The following ACSF3 variants were observed in gnomAD, a reference collection of about 807,000 sequenced individuals.
The protein encoded by ACSF3 is malonate--CoA ligase ACSF3, mitochondrial.
In ACSF3, 78 loss-of-function variants were observed where a neutral mutation model predicts 53.2. The ratio of observed to expected loss-of-function variants is 1.47; its 90% CI spans 1.22 to 1.77. The LOEUF is 1.77. ACSF3 is among the 40% of genes most tolerant of loss of function. The pLI, the probability that ACSF3 is intolerant of heterozygous loss-of-function variation, is 0.00. For missense variants in ACSF3, 937 were observed against 771.1 expected, an observed-to-expected ratio of 1.22 and a Z score of -2.55; for synonymous variants, 414 against 333.1, an observed-to-expected ratio of 1.24 and a Z score of -2.65.
chr16:89,100,962 G>A lies in ACSF3; in HGVS notation c.281G>A (p.Arg94Gln), dbSNP rs766597613. Residue 94 changes from arginine to glutamine, a missense_variant, in exon 3 of 11, where the codon CGG becomes CAG. Coordinates refer to ENST00000614302, the MANE Select transcript of ACSF3 (RefSeq NM_001243279.3). Reference sequence around the variant, plus strand: ...TGCGGGTGTGTCGGCGGGGACCTCCGGGAGGAGAGGGTCTCCTTCCTATGC... The same window carrying A: ...TGCGGGTGTGTCGGCGGGGACCTCCAGGAGGAGAGGGTCTCCTTCCTATGC... ...RLCGCVGGDL[R>Q]EERVSFLCAN... 11 of 1,613,562 alleles carry A rather than the reference G, an allele frequency of 6.8e-6. No homozygotes were observed. Among genetic ancestry groups the A allele is most frequent in the African/African-American group, 5.3e-5 (4 of 75,060 alleles).
intron 4 of ACSF3, among the ~76,000 whole-genome samples, chr16:89,104,144 C>T (rs1035368018): frequency 4.6e-5 from 7 of 152,234 alleles, no homozygotes; most frequent in Non-Finnish European, 1.0e-4. Context: ...GCGTATGTCA[C>T]AGGTGTGGTG....
chr16:89,097,217 C>T (rs543464499), intron 1 of ACSF3, among the ~76,000 whole-genome samples: 5 of 152,338 alleles, frequency 3.3e-5, no homozygotes, highest in African/African-American at 9.6e-5. Flanking sequence ...AGCTTGAACT[C>T]GCTTTGTCAG....
intron 7 of ACSF3, among the ~76,000 whole-genome samples, chr16:89,123,770 A>G (rs1285604109): frequency 6.6e-6 from 1 of 152,176 alleles, no homozygotes; most frequent in Non-Finnish European, 1.5e-5. Flanking sequence ...TCCCAGGATC[A>G]TCCCCGGGGC....
chr16:89,120,020 C>T (rs1209563515), intron 6 of ACSF3, among the ~76,000 whole-genome samples: 1 of 152,216 alleles, frequency 6.6e-6, no homozygotes, highest in Non-Finnish European at 1.5e-5. Context: ...TAGGTCATGC[C>T]CGTGCTGACG....
chr16:89,139,547 C>T lies in ACSF3; in HGVS notation c.1367-5720C>T, dbSNP rs191975080. Among the ~76,000 whole-genome samples the T allele has an allele frequency of 5.4e-4, 81 of 151,090 alleles. 1 individual carries two copies. Among genetic ancestry groups the T allele is most frequent in the African/African-American group, 1.7e-3 (71 of 41,110 alleles). On this transcript the variant is annotated intron_variant, in intron 8 of 10. Coordinates refer to ENST00000614302, the MANE Select transcript of ACSF3 (RefSeq NM_001243279.3). ...CCTTCAGATTTGCTGCTGCCACAGC[C>T]GTGCTGAATCCTGGCACTTGGTGAC...
In ACSF3 at chr16:89,114,346, G is replaced by A. The variant is rs1191888264; in HGVS notation, c.985G>A (p.Val329Ile). ...AVCEEKIRLMVSGSAALPLPV... is the reference protein window; with the variant it reads ...AVCEEKIRLMISGSAALPLPV... Reference sequence around the variant, plus strand: ...TTTGGTTGTGCCGCGTAGGCTGATGGTCTCAGGCTCAGCTGCCCTGCCCCT... The same window carrying A: ...TTTGGTTGTGCCGCGTAGGCTGATGATCTCAGGCTCAGCTGCCCTGCCCCT... Residue 329 changes from valine (V) to isoleucine (I), a missense_variant, in exon 6 of 11, where the codon GTC becomes ATC. Val to Ile is a conservative substitution (Grantham distance 29, BLOSUM62 3). Coordinates refer to ENST00000614302, the MANE Select transcript of ACSF3 (RefSeq NM_001243279.3). 6.2e-7 allele frequency: 1 copy of A among 1,614,036 alleles called. No homozygotes were observed. Among genetic ancestry groups the A allele is most frequent in the Admixed American group, 1.7e-5 (1 of 60,032 alleles).
intron 7 of ACSF3, 41 bp downstream of exon 7, chr16:89,120,954 C>G: frequency 1.9e-6 from 3 of 1,571,782 alleles, no homozygotes; most frequent in Non-Finnish European, 2.6e-6. Context: ...GCCGTGTGTC[C>G]AGTCTAGGCC....
chr16:89,115,851 T>C (rs1905042853), intron 6 of ACSF3, among the ~76,000 whole-genome samples: 1 of 152,198 alleles, frequency 6.6e-6, no homozygotes, highest in South Asian at 2.1e-4. Flanking sequence ...ACTGGGGCCT[T>C]TGTTTTCTTG....
chr16:89,141,343 C>G (rs762126765), intron 8 of ACSF3: 17 of 1,262,966 alleles, frequency 1.3e-5, no homozygotes, highest in Non-Finnish European at 1.8e-5. Flanking sequence ...TGAGACTGCT[C>G]TGTGCTGAGA....
At chr16:89,134,212 T>G (rs1477694483) in intron 8 of ACSF3, among the ~76,000 whole-genome samples, 9 of 152,208 alleles carry the variant, frequency 5.9e-5, no homozygotes, top group Non-Finnish European at 1.0e-4. Context: ...AAGCGTCGTG[T>G]TCTCTGACCT....
At chr16:89,116,142 A>G (rs1355517533) in intron 6 of ACSF3, among the ~76,000 whole-genome samples, 1 of 152,220 alleles carries the variant, frequency 6.6e-6, no homozygotes, top group Non-Finnish European at 1.5e-5. Flanking sequence ...GATACGGACC[A>G]CAGTTCTTTT....
At chr16:89,126,864 G>A (rs754709800) in intron 7 of ACSF3, among the ~76,000 whole-genome samples, 3 of 152,222 alleles carry the variant, frequency 2.0e-5, no homozygotes, top group Non-Finnish European at 2.9e-5. Context: ...TCTGATCTTA[G>A]GGAAAGGATT....
chr16:89,097,891 C>T (rs528124347), intron 1 of ACSF3, among the ~76,000 whole-genome samples: 1 of 152,320 alleles, frequency 6.6e-6, no homozygotes, highest in African/African-American at 2.4e-5. Flanking sequence ...CGGAGCTGTG[C>T]TGAGGTTCAG....
At chr16:89,096,105 C>A (rs527718124) in intron 1 of ACSF3, among the ~76,000 whole-genome samples, 1 of 152,256 alleles carries the variant, frequency 6.6e-6, no homozygotes, top group East Asian at 1.9e-4. Flanking sequence ...GGTTCCAGTA[C>A]GCCTTCACCA....
At chr16:89,145,507 C>A in intron 9 of ACSF3, 106 bp downstream of exon 9, 1 of 1,386,460 alleles carries the variant, frequency 7.2e-7, no homozygotes. Flanking sequence ...CAGCTGCCTG[C>A]AGGGGTCCCT....
intron 6 of ACSF3, among the ~76,000 whole-genome samples, chr16:89,120,485 T>A (rs551577705): frequency 2.0e-5 from 3 of 152,304 alleles, no homozygotes. Context: ...GGGAAGTAAC[T>A]GGGAAAGTGA....
chr16:89,134,850 G>A (rs774402090), intron 8 of ACSF3, among the ~76,000 whole-genome samples: 1 of 152,192 alleles, frequency 6.6e-6, no homozygotes, highest in African/African-American at 2.4e-5. Context: ...ATTCTTAGTC[G>A]GCCTAGGAAA....
At chr16:89,134,444 A>G (rs1306281112) in intron 8 of ACSF3, among the ~76,000 whole-genome samples, 1 of 152,202 alleles carries the variant, frequency 6.6e-6, no homozygotes, top group Non-Finnish European at 1.5e-5. Flanking sequence ...TCAGGAGCAC[A>G]GTGGACACCC....
chr16:89,103,656 C>T (rs4782330), intron 4 of ACSF3, among the ~76,000 whole-genome samples: 106,426 of 151,446 alleles, frequency 0.7, 37,977 homozygotes, highest in Admixed American at 0.77. Flanking sequence ...TATGATGTGG[C>T]CACTGTGGCA....
Sources: allele counts gnomAD v4.1 joint callset (sites outside exome capture counted in the v4.1 genomes callset), GRCh38; gene constraint gnomAD v4.1.1; transcripts MANE v1.5; gene names NCBI Gene and HGNC (gene_info 2026-07-23, HGNC 2026-07-21).